Variants in CEP63 observed in about 807,000 individuals in gnomAD.
The protein encoded by CEP63 is centrosomal protein 63.
A neutral mutation model predicts 89.1 loss-of-function variants in CEP63; 84 were observed. The observed-to-expected ratio is 0.94, with a 90% CI of 0.79 to 1.13. The LOEUF (loss-of-function observed/expected upper bound fraction) is 1.13. Among genes scored for constraint, CEP63 ranks in the 50% most tolerant of loss-of-function variants. The pLI, the probability that CEP63 is intolerant of heterozygous loss-of-function variation, is 0.00. For missense variants in CEP63, 838 were observed against 813.3 expected, an observed-to-expected ratio of 1.03 and a Z score of -0.37; for synonymous variants, 267 against 272.5, an observed-to-expected ratio of 0.98 and a Z score of 0.20.
chr3:134,775,860 G>A, the CEP63 span, among the ~76,000 whole-genome samples: 8 of 152,130 alleles, frequency 5.3e-5, no homozygotes, highest in East Asian at 1.9e-4. Flanking sequence ...CTTTTCAGCC[G>A]TCTCATTCTC....
At chr3:134,514,793 A>G (rs1357799238) in intron 3 of CEP63, among the ~76,000 whole-genome samples, 1 of 152,214 alleles carries the variant, frequency 6.6e-6, no homozygotes, top group Admixed American at 6.5e-5. Context: ...TTCTTTAGGT[A>G]GAAAGACAGT....
the CEP63 span, among the ~76,000 whole-genome samples, chr3:134,720,005 G>T: frequency 2.6e-5 from 4 of 152,108 alleles, no homozygotes; most frequent in African/African-American, 9.7e-5. Flanking sequence ...AGAATAGATG[G>T]GTTGTATGGT....
At chr3:134,748,772 G>A in the CEP63 span, among the ~76,000 whole-genome samples, 8 of 152,220 alleles carry the variant, frequency 5.3e-5, no homozygotes, top group Non-Finnish European at 1.2e-4. Flanking sequence ...GTGCAAACAT[G>A]TGACCCTGTC....
At chr3:134,771,466 T>C in the CEP63 span, among the ~76,000 whole-genome samples, 1 of 152,186 alleles carries the variant, frequency 6.6e-6, no homozygotes, top group Non-Finnish European at 1.5e-5. Context: ...TATTAAAACC[T>C]GATAGCTAGG....
chr3:134,727,524 G>A, the CEP63 span, among the ~76,000 whole-genome samples: 1 of 152,110 alleles, frequency 6.6e-6, no homozygotes, highest in Admixed American at 6.5e-5. Flanking sequence ...CGTGCAAGTG[G>A]GCTGAAGAAG....
the CEP63 span, among the ~76,000 whole-genome samples, chr3:134,602,294 A>G: frequency 2.6e-5 from 4 of 152,002 alleles, no homozygotes; most frequent in Non-Finnish European, 4.4e-5. Flanking sequence ...CTCCGTTGCC[A>G]TGGCAACGGC....
chr3:134,538,976 T>G (rs1039951840), intron 6 of CEP63, among the ~76,000 whole-genome samples: 2 of 152,188 alleles, frequency 1.3e-5, no homozygotes, highest in African/African-American at 4.8e-5. Context: ...ACAGCCAACA[T>G]TTGTTTTTCC....
intron 11 of CEP63, among the ~76,000 whole-genome samples, chr3:134,573,852 C>T (rs1360648295): frequency 6.6e-6 from 1 of 152,148 alleles, no homozygotes; most frequent in Non-Finnish European, 1.5e-5. Flanking sequence ...AACTATTGTT[C>T]TGCATCTGAC....
chr3:134,531,707 G>T (rs1044076003), intron 3 of CEP63, 138 bp from the exon 4 acceptor site: 1 of 655,878 alleles, frequency 1.5e-6, no homozygotes, highest in Non-Finnish European at 2.7e-6. Flanking sequence ...GACTTCCTAA[G>T]AAGTGGGGTA....
At chr3:134,577,209 A>G (rs1339452806), downstream of CEP63, among the ~76,000 whole-genome samples, 1 of 151,890 alleles carries the variant, frequency 6.6e-6, no homozygotes, top group Admixed American at 6.6e-5. Flanking sequence ...TGTTTTTGCA[A>G]TAGAGTGCCA....
chr3:134,517,284 G>A (rs947529491), intron 3 of CEP63, among the ~76,000 whole-genome samples: 2 of 152,084 alleles, frequency 1.3e-5, no homozygotes, highest in African/African-American at 4.8e-5. Flanking sequence ...TATCTAATGT[G>A]TCTAGTTAAA....
At chr3:134,526,007 A>G (rs1190911970) in intron 3 of CEP63, among the ~76,000 whole-genome samples, 1 of 152,132 alleles carries the variant, frequency 6.6e-6, no homozygotes, top group African/African-American at 2.4e-5. Context: ...GTTCTTATGG[A>G]TGATATCCTG....
chr3:134,550,345 A>G, intron 11 of CEP63, 85 bp downstream of exon 11: 1 of 1,304,304 alleles, frequency 7.7e-7, no homozygotes, highest in Non-Finnish European at 1.1e-6. Flanking sequence ...ATAATATTTA[A>G]TTCAGTGAAT....
chr3:134,659,565 G>GCA, the CEP63 span, among the ~76,000 whole-genome samples: 1 of 152,318 alleles, frequency 6.6e-6, no homozygotes, highest in East Asian at 1.9e-4. Context: ...TTGCCATTCT[G>GCA]CACGTTTCAG....
chr3:134,629,485 C>T, the CEP63 span: 1 of 649,400 alleles, frequency 1.5e-6, no homozygotes, highest in Non-Finnish European at 2.8e-6. Context: ...TGTCATGCTT[C>T]TGCCTTTTCC....
the CEP63 span, among the ~76,000 whole-genome samples, chr3:134,679,870 G>A: frequency 6.6e-6 from 1 of 152,106 alleles, no homozygotes; most frequent in Non-Finnish European, 1.5e-5. Context: ...CTACAGGAGT[G>A]CGCCACCACA....
the CEP63 span, among the ~76,000 whole-genome samples, chr3:134,779,141 G>A: frequency 6.6e-6 from 1 of 151,858 alleles, no homozygotes; most frequent in African/African-American, 2.4e-5. Context: ...TTTTATGCTG[G>A]TAATGTAATT....
chr3:134,574,210 G>A (rs534287595), intron 11 of CEP63, among the ~76,000 whole-genome samples: 2 of 152,328 alleles, frequency 1.3e-5, no homozygotes, highest in South Asian at 2.1e-4. Context: ...GCTCACTGCC[G>A]AAGTGCAGCT....
At chr3:134,506,090 C>CAGTGT (rs1189894324) in intron 2 of CEP63, among the ~76,000 whole-genome samples, 1 of 152,148 alleles carries the variant, frequency 6.6e-6, no homozygotes, top group Non-Finnish European at 1.5e-5. Context: ...AAGGTTCTGT[C>CAGTGT]ACACTAAGAA....
Sources: gnomAD v4.1 joint callset for allele counts (sites outside exome capture counted in the v4.1 genomes callset) on GRCh38, gnomAD v4.1.1 for gene constraint, MANE v1.5 for transcripts, NCBI Gene and HGNC (gene_info 2026-07-23, HGNC 2026-07-21) for gene names.